Variants in BLNK observed in about 807,000 individuals in gnomAD.
BLNK encodes the protein B cell linker.
BLNK carries 29 observed loss-of-function variants against 73.5 expected under a neutral mutation model. The ratio of observed to expected loss-of-function variants is 0.39; its 90% CI spans 0.29 to 0.54. The LOEUF (loss-of-function observed/expected upper bound fraction) is 0.54. Among genes scored for constraint, BLNK ranks in the 20% least tolerant of loss-of-function variants. The probability of loss-of-function intolerance (pLI) is 0.61; values close to 1 mark genes in which losing one functional copy is unlikely to be tolerated. For synonymous variants in BLNK, 176 were observed against 200.8 expected (o/e 0.88, Z 1.04); for missense variants, 460 against 562.8 (o/e 0.82, Z 1.85).
intron 3 of BLNK, among the ~76,000 whole-genome samples, chr10:96,237,189 A>G (rs1842724492): frequency 6.6e-6 from 1 of 152,204 alleles, no homozygotes; most frequent in African/African-American, 2.4e-5. Context: ...GGAGACAGAA[A>G]ACCAGGTAAA....
At position 96,227,497 on chromosome 10, in the gene BLNK, C is replaced by T. The variant is rs782493817; in HGVS notation, c.274G>A (p.Ala92Thr). ...EMYVMPAEEN[A>T]DDSYEPPPVE... ...GGAGGCGGCTCGTAGCTGTCATCAG[C>T]GTTCTCCTCGGCGGGCATCACGTAC... The change falls in exon 5 of 17, where the codon GCT becomes ACT. Residue 92 changes from alanine to threonine, a missense_variant. Ala to Thr is a moderately conservative substitution (Grantham distance 58). Around this residue, in one of 3 missense-constraint regions of BLNK, gnomAD observed 139 missense variants for 187.3 expected, o/e 0.74. Coordinates refer to ENST00000224337, the MANE Select transcript of BLNK (RefSeq NM_013314.4). 1.9e-5 allele frequency: 31 copies of T among 1,614,214 alleles called. No individual in the cohort carries two copies. The East Asian group carries it at 4.0e-4, about 21-fold the overall frequency.
intron 8 of BLNK, 75 bp from the exon 9 acceptor site, chr10:96,209,982 C>A: frequency 6.8e-7 from 1 of 1,468,380 alleles, no homozygotes; most frequent in Non-Finnish European, 9.5e-7. Flanking sequence ...GCTGGCCTCT[C>A]TGGCAGGCTC....
Position 96,265,947 on chromosome 10 carries a change from A to G in BLNK, c.47+5405T>C, listed in dbSNP as rs965330355. 4.6e-5 allele frequency among the ~76,000 whole-genome samples: 7 copies of G among 152,338 alleles called. No individual in the cohort carries two copies. The East Asian group carries it at 7.7e-4, about 17-fold the overall frequency. On this transcript the variant is annotated intron_variant, in intron 1 of 16. Transcript: ENST00000224337. ...ACAACCAAATGTTCCCTTGGGGACA[A>G]AATTGCCCCTGATGGAGAACCATTG... is the stretch of plus-strand genomic sequence containing the variant.
intron 1 of BLNK, among the ~76,000 whole-genome samples, chr10:96,248,779 A>C (rs1314757649): frequency 6.6e-6 from 1 of 152,200 alleles, no homozygotes; most frequent in African/African-American, 2.4e-5. Flanking sequence ...AGATCCATGC[A>C]ATGGAATGCC....
chr10:96,246,978 A>G lies in BLNK; in HGVS notation c.113+6T>C, dbSNP rs1255714476. On this transcript the variant is annotated splice_donor_region_variant and intron_variant, in intron 2 of 16. Coordinates refer to ENST00000224337, the MANE Select transcript of BLNK (RefSeq NM_013314.4). Reference sequence around the variant, plus strand: ...TAATTAAGTATTTAAATAGAGGCGAACTTACTTTTTGATTTTATTCATTAT... The same window carrying G: ...TAATTAAGTATTTAAATAGAGGCGAGCTTACTTTTTGATTTTATTCATTAT... 2.5e-6 allele frequency: 4 copies of G among 1,586,226 alleles called. No individual in the cohort carries two copies. The African/African-American group carries it at 5.4e-5, about 21-fold the overall frequency.
chr10:96,267,988 C>T (rs1227038763), intron 1 of BLNK, among the ~76,000 whole-genome samples: 3 of 152,138 alleles, frequency 2.0e-5, no homozygotes, highest in East Asian at 1.9e-4. Flanking sequence ...TTATCTTTAT[C>T]TTACAGGTGA....
At chr10:96,213,044 C>T (rs1478787424) in intron 8 of BLNK, among the ~76,000 whole-genome samples, 1 of 152,184 alleles carries the variant, frequency 6.6e-6, no homozygotes, top group African/African-American at 2.4e-5. Context: ...TACAGCTATA[C>T]CAGGTTAATA....
At chr10:96,242,650 C>T (rs949545164) in intron 3 of BLNK, 85 bp downstream of exon 3, 20 of 1,241,764 alleles carry the variant, frequency 1.6e-5, no homozygotes, top group South Asian at 7.2e-5. Context: ...ATGAGGATAG[C>T]GTATTTCCCT....
Position 96,204,529 on chromosome 10 carries a change from T to C in BLNK, c.902+3A>G. ...ACTGATCTTTAAAGGAAAGGATTCT[T>C]ACTTCTGGGCAGGAGGAAACACTGG... On this transcript the variant is annotated splice_donor_region_variant and intron_variant, in intron 12 of 16. Transcript: ENST00000224337. The C allele has an allele frequency of 1.2e-6, 2 of 1,613,872 alleles. No homozygotes were observed.
chr10:96,271,319 A>C, intron 1 of BLNK, 33 bp downstream of exon 1: 2 of 1,609,624 alleles, frequency 1.2e-6, no homozygotes, highest in Non-Finnish European at 1.7e-6. Context: ...AAAAAAGGAG[A>C]TGAAGAAGGG....
rs2084038318 is a variant in BLNK, at chr10:96,215,326, G to T, written c.671C>A (p.Ala224Asp). The part of the protein sequence containing the change: ...SSTPASPPGT[A>D]SGRNSGAWET... ...AAATCACACATACACTTTACCTGAA[G>T]CTGTTCCTGGAGGAGAGGCGGGCGT... is the stretch of plus-strand genomic sequence containing the variant. Residue 224 changes from alanine (A) to aspartate (D), a missense_variant, in exon 8 of 17, where the codon GCT (alanine) becomes GAT (aspartate). Physicochemically the swap from Ala to Asp is moderately radical, Grantham distance 126 (BLOSUM62 -2). This residue lies in a region of BLNK where 233 missense variants were observed against 232.1 expected (regional missense o/e 1.00). Transcript: ENST00000224337. 1 of 1,613,842 alleles carries T rather than the reference G, an allele frequency of 6.2e-7. No homozygotes were observed.
intron 1 of BLNK, among the ~76,000 whole-genome samples, chr10:96,251,151 G>A (rs3762093): frequency 0.076 from 11,490 of 152,018 alleles, 1,263 homozygotes; most frequent in East Asian, 0.55. Flanking sequence ...TCTGTATCTC[G>A]TTCACACAAA....
intron 15 of BLNK, chr10:96,199,851 C>T (rs1458469924): frequency 7.8e-6 from 2 of 257,942 alleles, no homozygotes; most frequent in Non-Finnish European, 1.5e-5. Context: ...TGGTAAAACC[C>T]CGTCTCTACT....
intron 4 of BLNK, among the ~76,000 whole-genome samples, chr10:96,228,950 G>A (rs1018729080): frequency 8.7e-5 from 13 of 149,908 alleles, no homozygotes; most frequent in Admixed American, 2.7e-4. Context: ...AAAAAGAATT[G>A]TAGGGGTACA....
intron 1 of BLNK, among the ~76,000 whole-genome samples, chr10:96,259,544 G>C (rs1177323375): frequency 6.6e-6 from 1 of 152,060 alleles, no homozygotes; most frequent in Non-Finnish European, 1.5e-5. Context: ...GCCCCCTGAG[G>C]GTCCTGGAGT....
At position 96,200,414 on chromosome 10, in the gene BLNK, C is replaced by T. The variant is rs1473711664; in HGVS notation, c.1012-256G>A. Reference sequence around the variant, plus strand: ...TCTTTCTCCTAAATAAGTAATAATCCCCCTTTCCATTGTGCTCTTATTGCT... The same window carrying T: ...TCTTTCTCCTAAATAAGTAATAATCTCCCTTTCCATTGTGCTCTTATTGCT... On this transcript the variant is annotated intron_variant, in intron 14 of 16. Transcript: ENST00000224337. This position sits in a 1 kb window ranked among gnomAD's most constrained non-coding sequence, Gnocchi z 4.3. Among the ~76,000 whole-genome samples the T allele has an allele frequency of 1.3e-5, 2 of 151,960 alleles. No homozygotes were observed. Among genetic ancestry groups the T allele is most frequent in the African/African-American group, 4.8e-5 (2 of 41,346 alleles).
chr10:96,259,151 C>T (rs1445217725), intron 1 of BLNK, among the ~76,000 whole-genome samples: 4 of 152,236 alleles, frequency 2.6e-5, no homozygotes, highest in Admixed American at 1.3e-4. Flanking sequence ...TCAGCACCTA[C>T]GTTGCCTCTT....
chr10:96,245,502 T>C (rs1843010597), intron 2 of BLNK, among the ~76,000 whole-genome samples: 1 of 152,188 alleles, frequency 6.6e-6, no homozygotes. Context: ...ATTGCTATTA[T>C]CAAATTGCTA....
chr10:96,190,311 C>A lies in BLNK; in HGVS notation c.*1662G>T. ...ACAGCCATACAGGATGGAATCACGC[C>A]AGTAGTATTGTTCCTGTGTGTCTCT... On this transcript the variant is annotated 3_prime_UTR_variant, in exon 17 of 17. Transcript: ENST00000224337. The A allele has an allele frequency of 1.6e-6, 1 of 613,144 alleles. No individual in the cohort carries two copies. Among genetic ancestry groups the A allele is most frequent in the Non-Finnish European group, 3.0e-6 (1 of 335,028 alleles). The allele number at this position is 613,144 out of a possible 1,614,324, so 38.0% of individuals were successfully genotyped here. A position where few individuals can be genotyped will look rare whatever the true frequency, so the allele number is the denominator to read the frequency against.
Sources: allele counts gnomAD v4.1 joint callset (sites outside exome capture counted in the v4.1 genomes callset), GRCh38; gene constraint gnomAD v4.1.1; regional missense constraint gnomAD v4.1.1; non-coding constraint Gnocchi (gnomAD v3.1); transcripts MANE v1.5; gene names NCBI Gene and HGNC (gene_info 2026-07-23, HGNC 2026-07-21).